Variants in HEATR6 observed in about 807,000 individuals in gnomAD.
HEATR6 encodes HEAT repeat containing 6.
A neutral mutation model predicts 132.8 loss-of-function variants in HEATR6; 106 were observed. That is an observed-to-expected ratio of 0.80 (90% CI 0.68 to 0.94). The LOEUF is 0.94. Ranked by LOEUF, HEATR6 falls within the 40% of genes least tolerant of loss-of-function variation. The probability of loss-of-function intolerance (pLI) is 0.00; values close to 1 mark genes in which losing one functional copy is unlikely to be tolerated. For synonymous variants in HEATR6, 529 were observed against 537.8 expected, an observed-to-expected ratio of 0.98 and a Z score of 0.23; for missense variants, 1,339 against 1,425.1, an observed-to-expected ratio of 0.94 and a Z score of 0.97.
intron 19 of HEATR6, 149 bp from the exon 20 acceptor site, chr17:60,044,283 G>T: frequency 1.5e-6 from 1 of 657,228 alleles, no homozygotes; most frequent in Non-Finnish European, 2.6e-6. Context: ...TGTAAGACAA[G>T]GGTGGTGACT....
chr17:60,062,612 T>C (rs2083218046), intron 9 of HEATR6, among the ~76,000 whole-genome samples: 1 of 152,198 alleles, frequency 6.6e-6, no homozygotes. Flanking sequence ...ACATTGAAGT[T>C]TCCATGCAGG....
intron 1 of HEATR6, among the ~76,000 whole-genome samples, chr17:60,077,347 T>A (rs1597960174): frequency 6.6e-6 from 1 of 152,088 alleles, no homozygotes; most frequent in Non-Finnish European, 1.5e-5. Context: ...GAAACACTAG[T>A]AGGTGCCTGA....
At chr17:60,060,965 ACTTTC>A (rs2083207650) in intron 9 of HEATR6, among the ~76,000 whole-genome samples, 1 of 152,238 alleles carries the variant, frequency 6.6e-6, no homozygotes, top group African/African-American at 2.4e-5. Context: ...TTGAAAGATT[ACTTTC>A]AATTGGTACT....
At position 60,047,329 on chromosome 17, in the gene HEATR6, C is replaced by T. The variant is rs1906403270; in HGVS notation, c.2749G>A (p.Ala917Thr). The T allele has an allele frequency of 6.8e-6, 11 of 1,611,602 alleles. No homozygotes were observed. The highest frequency in any genetic ancestry group is 1.7e-5 in the Admixed American group (1 of 59,782). The change falls in exon 18 of 20, where the codon GCA becomes ACA. Residue 917 changes from alanine (A) to threonine (T), a missense_variant. Physicochemically the swap from Ala to Thr is moderately conservative, Grantham distance 58 (BLOSUM62 0). Transcript: ENST00000184956. ...LLKMLRSAIE[A>T]SKDKDKVKSN... ...TCTACCTTGTCTTTATCCTTGGATG[C>T]TTCTATAGCTGATCGTAACATTTTC...
Position 60,066,193 on chromosome 17 carries a change from G to C in HEATR6, c.1416+16C>G. The C allele has an allele frequency of 6.2e-7, 1 of 1,601,414 alleles. No individual in the cohort carries two copies. The highest frequency in any genetic ancestry group is 8.5e-7 in the Non-Finnish European group (1 of 1,171,502). ...TTTTCTTCCTATTATAAAGCTTAGAGTTTAAATTCTCTTACCTTTGGAGAA... is the reference window on the plus strand; with the variant it reads ...TTTTCTTCCTATTATAAAGCTTAGACTTTAAATTCTCTTACCTTTGGAGAA... On this transcript the variant is annotated intron_variant, in intron 9 of 19. Transcript: ENST00000184956.
At position 60,078,808 on chromosome 17, in the gene HEATR6, C is replaced by T. The variant is rs758358357; in HGVS notation, c.107G>A (p.Arg36Lys). 20 of 1,600,858 alleles carry T rather than the reference C, an allele frequency of 1.2e-5. No individual in the cohort carries two copies. The Admixed American group carries it at 3.4e-4, about 27-fold the overall frequency. Residue 36 changes from arginine to lysine, a missense_variant, in exon 1 of 20, where the codon AGG becomes AAG. By Grantham distance (26) the Arg-to-Lys change is conservative. Transcript: ENST00000184956. ...RGNGFRLLSA[R>K]LCALRPDDSS... ...GTCATCCGGGCGCAGGGCGCAGAGC[C>T]TGGCAGACAAGAGGCGAAACCCATT...
Position 60,072,246 on chromosome 17 carries a change from G to A in HEATR6, c.668C>T (p.Ser223Leu), listed in dbSNP as rs1009633403. The stretch of plus-strand genomic sequence containing the variant: ...AAATGTGATATCATCCATATCAGAT[G>A]ATTTTGGAGACTGTAAAATAGTCAG... ...AFLTILQSPK[S>L]SDMDDITFCM... Residue 223 changes from serine to leucine, a missense_variant, in exon 5 of 20, where the codon TCA becomes TTA. Physicochemically the swap from Ser to Leu is moderately radical, Grantham distance 145. Transcript: ENST00000184956. The A allele has an allele frequency of 1.2e-6, 2 of 1,603,526 alleles. No individual in the cohort carries two copies. Among genetic ancestry groups the A allele is most frequent in the East Asian group, 2.2e-5 (1 of 44,746 alleles).
chr17:60,046,462 G>A (rs1906370908), intron 18 of HEATR6, among the ~76,000 whole-genome samples: 1 of 152,164 alleles, frequency 6.6e-6, no homozygotes, highest in Admixed American at 6.5e-5. Context: ...CAGGACCTCA[G>A]AGAGGTCCAT....
In HEATR6 at chr17:60,043,793, T is replaced by C; in HGVS notation, c.3316A>G (p.Ile1106Val). The stretch of plus-strand genomic sequence containing the variant: ...GCTCCTGATTTTAAAAACTGTAGAA[T>C]ATAGGACTGGACCATATTCCCACTC... ...ELSGNMVQSY[I>V]LQFLKSGAEG... is the part of the protein sequence containing the mutation. Residue 1106 changes from isoleucine (I) to valine (V), a missense_variant, in exon 20 of 20, where the codon ATT (isoleucine) becomes GTT (valine). Physicochemically the swap from Ile to Val is conservative, Grantham distance 29. Coordinates refer to ENST00000184956, the MANE Select transcript of HEATR6 (RefSeq NM_022070.5). 1 of 1,614,176 alleles carries C rather than the reference T, an allele frequency of 6.2e-7. No individual in the cohort carries two copies. The highest frequency in any genetic ancestry group is 8.5e-7 in the Non-Finnish European group (1 of 1,180,020).
rs1286876755 is a variant in HEATR6 at position 60,072,215 on chromosome 17, C to G, written c.699G>C (p.Met233Ile). 6 of 1,514,088 alleles carry G rather than the reference C, an allele frequency of 4.0e-6. No individual in the cohort carries two copies. The highest frequency in any genetic ancestry group is 4.6e-6 in the Non-Finnish European group (5 of 1,095,486). 93.8% of individuals were successfully genotyped at this position (1,514,088 alleles called of 1,614,324 possible). ...SSDMDDITFC[M>I]LLQNALKGIQ... ...ACTACGTCAATGATAGTCCACTTAC[C>G]ATGCAAAATGTGATATCATCCATAT... The change falls in exon 5 of 20, where the codon ATG (methionine) becomes ATC (isoleucine). Residue 233 changes from methionine to isoleucine, a missense_variant and splice_region_variant. By Grantham distance (10) the Met-to-Ile change is conservative (BLOSUM62 1). Coordinates refer to ENST00000184956, the MANE Select transcript of HEATR6 (RefSeq NM_022070.5).
intron 13 of HEATR6, 63 bp downstream of exon 13, chr17:60,056,052 G>C: frequency 6.5e-7 from 1 of 1,546,086 alleles, no homozygotes; most frequent in Non-Finnish European, 8.8e-7. Flanking sequence ...GATATAAAGT[G>C]AAGAAAAGGA....
intron 15 of HEATR6, among the ~76,000 whole-genome samples, chr17:60,050,249 A>G (rs574549314): frequency 4.6e-5 from 7 of 152,230 alleles, no homozygotes; most frequent in African/African-American, 1.7e-4. Context: ...GCCATCTGTG[A>G]GCCAGAGAGC....
chr17:60,071,618 G>A (rs1440237678), intron 5 of HEATR6, among the ~76,000 whole-genome samples: 6 of 152,098 alleles, frequency 3.9e-5, no homozygotes, highest in African/African-American at 7.2e-5. Context: ...AACAGGAACC[G>A]AATAGATGTC....
At chr17:60,074,001 G>A (rs959627048) in intron 2 of HEATR6, 115 bp from the exon 3 acceptor site, 46 of 1,428,808 alleles carry the variant, frequency 3.2e-5, no homozygotes, top group South Asian at 2.4e-4. Context: ...TGTGTCTGTC[G>A]TTTATGTGTC....
In HEATR6 at chr17:60,058,426, G is replaced by A. The variant is rs1292563826; in HGVS notation, c.1723+996C>T. Among the ~76,000 whole-genome samples, 3 of 152,176 alleles carry A rather than the reference G, an allele frequency of 2.0e-5. No individual in the cohort carries two copies. The East Asian group carries it at 5.8e-4, about 29-fold the overall frequency. ...TACTTGAAAGGAAACTTTGAGGCATGGTGCACTCTCCTCAGCTGAAGATGC... is the reference window on the plus strand; with the variant it reads ...TACTTGAAAGGAAACTTTGAGGCATAGTGCACTCTCCTCAGCTGAAGATGC... On this transcript the variant is annotated intron_variant, in intron 11 of 19. Transcript: ENST00000184956.
At position 60,046,477 on chromosome 17, in the gene HEATR6, C is replaced by T. The variant is rs182832043; in HGVS notation, c.2770-248G>A. On this transcript the variant is annotated intron_variant, in intron 18 of 19. Coordinates refer to ENST00000184956, the MANE Select transcript of HEATR6 (RefSeq NM_022070.5). ...CAGGACCTCAGAGAGGTCCATCTTC[C>T]TTGTTTTACTGAGATGGAGTATAAG... 5.6e-4 allele frequency among the ~76,000 whole-genome samples: 85 copies of T among 152,126 alleles called. No homozygotes were observed. In the East Asian group the frequency reaches 0.015, roughly 26 times the overall value.
At position 60,076,145 on chromosome 17, in the gene HEATR6, T is replaced by A. The variant is rs1198693504; in HGVS notation, c.312A>T (p.Leu104Phe). The A allele has an allele frequency of 6.3e-7, 1 of 1,599,080 alleles. No homozygotes were observed. Among genetic ancestry groups the A allele is most frequent in the East Asian group, 2.2e-5 (1 of 44,796 alleles). The change falls in exon 2 of 20, where the codon TTA becomes TTT. Residue 104 changes from leucine to phenylalanine, a missense_variant. By Grantham distance (22) the Leu-to-Phe change is conservative. Transcript: ENST00000184956. ...VSKVSQLIHHLLNRLQVIVDE... is the reference protein window; with the variant it reads ...VSKVSQLIHHFLNRLQVIVDE... ...ACATGATTACCTGTAATCTGTTAAG[T>A]AAATGGTGGATAAGCTGGCTCACTT...
At chr17:60,055,628 G>A in intron 13 of HEATR6, 27 bp from the exon 14 acceptor site, 3 of 1,546,686 alleles carry the variant, frequency 1.9e-6, no homozygotes, top group Middle Eastern at 1.8e-4. Context: ...TTACCGAAGT[G>A]GAGCATCAGA....
chr17:60,065,604 T>C (rs2083236371), intron 9 of HEATR6, among the ~76,000 whole-genome samples: 1 of 152,242 alleles, frequency 6.6e-6, no homozygotes, highest in African/African-American at 2.4e-5. Context: ...CCATGAGATA[T>C]CTTGCTATAG....
Sources: allele counts gnomAD v4.1 joint callset (sites outside exome capture counted in the v4.1 genomes callset), GRCh38; gene constraint gnomAD v4.1.1; transcripts MANE v1.5; gene names NCBI Gene and HGNC (gene_info 2026-07-23, HGNC 2026-07-21).